Variants in BAG2 observed in about 807,000 individuals in gnomAD.
BAG2 encodes the protein BAG cochaperone 2.
Under a neutral mutation model 16.4 loss-of-function variants are expected in BAG2, and 8 were observed. The observed-to-expected ratio is 0.49, with a 90% CI of 0.29 to 0.88. The LOEUF (loss-of-function observed/expected upper bound fraction) is 0.88. Ranked by LOEUF, BAG2 falls within the 40% of genes least tolerant of loss-of-function variation. The pLI is 0.09. For synonymous variants in BAG2, 82 were observed against 89.2 expected (o/e 0.92, Z 0.46); for missense variants, 218 against 248.9 (o/e 0.88, Z 0.84).
In BAG2 at chr6:57,172,540, C is replaced by A. The variant is rs1443641424; in HGVS notation, c.-158C>A. On this transcript the variant is annotated 5_prime_UTR_variant, in exon 1 of 3. Coordinates refer to ENST00000370693, the MANE Select transcript of BAG2 (RefSeq NM_004282.4). ...CTGCCCTTCTTTGGCTACGCTGCAGCCGCGGTGTCGGCGAGTCCTCCCGGG... is the reference window on the plus strand; with the variant it reads ...CTGCCCTTCTTTGGCTACGCTGCAGACGCGGTGTCGGCGAGTCCTCCCGGG... 1 of 535,302 alleles carries A rather than the reference C, an allele frequency of 1.9e-6. No homozygotes were observed. The highest frequency in any genetic ancestry group is 3.8e-5 in the South Asian group (1 of 26,506). 33.2% of individuals were successfully genotyped at this position (535,302 alleles called of 1,614,324 possible).
chr6:57,182,700 G>C (rs891256227), intron 2 of BAG2, among the ~76,000 whole-genome samples: 1 of 152,066 alleles, frequency 6.6e-6, no homozygotes, highest in African/African-American at 2.4e-5. Flanking sequence ...ACCCAGGCTG[G>C]AGTGCAATGG....
At position 57,183,965 on chromosome 6, in the gene BAG2, G is replaced by A. The variant is rs765923792; in HGVS notation, c.411G>A (p.Ser137=). Reference sequence around the variant, plus strand: ...GAAATGCCAAGAGTCATTTAATGTCGCTCTACAGTGCATGTTCATCTGAGG... The same window carrying A: ...GAAATGCCAAGAGTCATTTAATGTCACTCTACAGTGCATGTTCATCTGAGG... ...DLGNAKSHLM[S]LYSACSSEVP... The change falls in exon 3 of 3, where the codon TCG becomes TCA. Residue 137 remains serine (S), a synonymous_variant. Transcript: ENST00000370693. The A allele has an allele frequency of 5.1e-5, 82 of 1,613,438 alleles. No homozygotes were observed. Among genetic ancestry groups the A allele is most frequent in the Admixed American group, 1.0e-4 (6 of 59,922 alleles).
intron 1 of BAG2, chr6:57,174,384 G>A (rs1360722578): frequency 1.5e-6 from 2 of 1,304,154 alleles, no homozygotes; most frequent in Admixed American, 2.3e-5. Context: ...TTGAATTAAT[G>A]CCTCACATGT....
At chr6:57,173,156 A>T (rs964622284) in intron 1 of BAG2, 4 of 1,012,336 alleles carry the variant, frequency 4.0e-6, no homozygotes, top group African/African-American at 3.4e-5. Flanking sequence ...GGACTGTGGC[A>T]GCTTGGGTCT....
intron 1 of BAG2, chr6:57,173,569 A>G: frequency 2.3e-6 from 2 of 857,012 alleles, no homozygotes; most frequent in Non-Finnish European, 2.8e-6. Context: ...ATTTGGTAAT[A>G]CAGTAGTAGA....
chr6:57,184,150 C>T lies in BAG2; in HGVS notation c.596C>T (p.Ser199Phe), dbSNP rs753635223. The T allele has an allele frequency of 6.4e-7, 1 of 1,562,692 alleles. No homozygotes were observed. The highest frequency in any genetic ancestry group is 8.6e-7 in the Non-Finnish European group (1 of 1,163,190). ...TTAGAGCATTCTAAAGGAGCTGGTT[C>T]CAAAACTCTGCAACAAAATGCTGAA... is the stretch of plus-strand genomic sequence containing the variant. Reference protein sequence around the residue: ...KLLEHSKGAGSKTLQQNAESR... With the variant: ...KLLEHSKGAGFKTLQQNAESR... Residue 199 changes from serine to phenylalanine, a missense_variant, in exon 3 of 3, where the codon TCC (serine) becomes TTC (phenylalanine). Coordinates refer to ENST00000370693, the MANE Select transcript of BAG2 (RefSeq NM_004282.4).
intron 1 of BAG2, 119 bp from the exon 2 acceptor site, chr6:57,181,910 TGAA>T (rs1011112236): frequency 5.1e-5 from 39 of 766,240 alleles, no homozygotes; most frequent in Admixed American, 1.0e-4. Flanking sequence ...AAAGCAGAAA[TGAA>T]GAATTTTTGA....
intron 1 of BAG2, among the ~76,000 whole-genome samples, chr6:57,180,792 C>T (rs1764417620): frequency 6.6e-6 from 1 of 151,272 alleles, no homozygotes; most frequent in African/African-American, 2.4e-5. Context: ...AAATTGATCG[C>T]ATCAAAATAA....
rs1259081670 is a variant in BAG2, at chr6:57,188,596, A to G, written c.*4406A>G. ...TAAAGAGGAGAGTAGAGAGTAGAAA[A>G]TTGAAGAGAGTAGAAAAGATGACTC... is the stretch of plus-strand genomic sequence containing the variant. On this transcript the variant is annotated 3_prime_UTR_variant, in exon 3 of 3. Transcript: ENST00000370693. 2 of 152,148 alleles carry G rather than the reference A, an allele frequency of 1.3e-5. No individual in the cohort carries two copies. The highest frequency in any genetic ancestry group is 1.3e-4 in the Admixed American group (2 of 15,276). 9.4% of individuals were successfully genotyped at this position (152,148 alleles called of 1,614,324 possible). A position where few individuals can be genotyped will look rare whatever the true frequency, so the allele number is the denominator to read the frequency against.
rs764194506 is a variant in BAG2, at chr6:57,172,686, T to C, written c.-12T>C. The C allele has an allele frequency of 6.6e-7, 1 of 1,524,708 alleles. No homozygotes were observed. Among genetic ancestry groups the C allele is most frequent in the South Asian group, 1.2e-5 (1 of 81,386 alleles). 94.4% of individuals were successfully genotyped at this position (1,524,708 alleles called of 1,614,324 possible). On this transcript the variant is annotated 5_prime_UTR_variant, in exon 1 of 3. Coordinates refer to ENST00000370693, the MANE Select transcript of BAG2 (RefSeq NM_004282.4). ...CCGGTGACCTCTTGGCTACCCCGCG[T>C]CGGAGGCTTAGATGGCTCAGGCGAA...
At chr6:57,183,681 T>C in intron 2 of BAG2, 97 bp from the exon 3 acceptor site, 1 of 1,132,082 alleles carries the variant, frequency 8.8e-7, no homozygotes, top group Admixed American at 2.9e-5. Flanking sequence ...TCTAAAAAAA[T>C]TTCATGGCAG....
intron 1 of BAG2, among the ~76,000 whole-genome samples, chr6:57,176,844 G>C (rs1764298344): frequency 6.6e-6 from 1 of 152,068 alleles, no homozygotes; most frequent in South Asian, 2.1e-4. Context: ...AGAACCCTTC[G>C]AGTTAGGTGG....
chr6:57,172,502 G>T lies in BAG2; in HGVS notation c.-196G>T. On this transcript the variant is annotated 5_prime_UTR_variant, in exon 1 of 3. Transcript: ENST00000370693. ...CCCAGGCCCGGCGTCCCCGAGCCCCGCGGGCGCCGCGCCTGCCCTTCTTTG... is the reference window on the plus strand; with the variant it reads ...CCCAGGCCCGGCGTCCCCGAGCCCCTCGGGCGCCGCGCCTGCCCTTCTTTG... 1 of 419,594 alleles carries T rather than the reference G, an allele frequency of 2.4e-6. No homozygotes were observed. Among genetic ancestry groups the T allele is most frequent in the Non-Finnish European group, 4.3e-6 (1 of 234,340 alleles). The allele number at this position is 419,594 out of a possible 1,614,324, so 26.0% of individuals were successfully genotyped here. A position where few individuals can be genotyped will look rare whatever the true frequency, so the allele number is the denominator to read the frequency against.
chr6:57,181,112 G>A (rs886234022), intron 1 of BAG2, among the ~76,000 whole-genome samples: 1 of 152,226 alleles, frequency 6.6e-6, no homozygotes, highest in Non-Finnish European at 1.5e-5. Flanking sequence ...GGACCCCTGT[G>A]CTTTGCTGTG....
chr6:57,172,879 C>G, intron 1 of BAG2, 69 bp downstream of exon 1: 11 of 1,291,236 alleles, frequency 8.5e-6, no homozygotes, highest in Non-Finnish European at 1.1e-5. Context: ...GGTTAGCGGA[C>G]GGAGGCCGCG....
At position 57,187,483 on chromosome 6, in the gene BAG2, G is replaced by A. The variant is rs968360275; in HGVS notation, c.*3293G>A. On this transcript the variant is annotated 3_prime_UTR_variant, in exon 3 of 3. Coordinates refer to ENST00000370693, the MANE Select transcript of BAG2 (RefSeq NM_004282.4). ...TGAGTAAGTCCTGTTCATTAGGTAG[G>A]TGCCATGTGGAACAAGCTTTCACCT... 3.3e-5 allele frequency: 5 copies of A among 152,278 alleles called. No individual in the cohort carries two copies. The highest frequency in any genetic ancestry group is 2.1e-4 in the South Asian group (1 of 4,826). 9.4% of individuals were successfully genotyped at this position (152,278 alleles called of 1,614,324 possible).
At position 57,172,625 on chromosome 6, in the gene BAG2, G is replaced by T; in HGVS notation, c.-73G>T. ...CCGCGTGGTGACGGCGACGCCTGCA[G>T]CCCAAGGAGCGCTCCACTCGCTGCC... On this transcript the variant is annotated 5_prime_UTR_variant, in exon 1 of 3. Transcript: ENST00000370693. 1 of 1,305,494 alleles carries T rather than the reference G, an allele frequency of 7.7e-7. No individual in the cohort carries two copies. 80.9% of individuals were successfully genotyped at this position (1,305,494 alleles called of 1,614,324 possible).
At chr6:57,177,696 G>C (rs1255873638) in intron 1 of BAG2, among the ~76,000 whole-genome samples, 1 of 152,128 alleles carries the variant, frequency 6.6e-6, no homozygotes, top group Non-Finnish European at 1.5e-5. Context: ...CACAAGCACT[G>C]TTCCCTTATC....
chr6:57,175,667 G>A (rs1305860143), intron 1 of BAG2, among the ~76,000 whole-genome samples: 2 of 152,174 alleles, frequency 1.3e-5, no homozygotes, highest in South Asian at 4.1e-4. Flanking sequence ...AAAGAAGCAA[G>A]CCTCCATAAG....
Sources: gnomAD v4.1 joint callset for allele counts (sites outside exome capture counted in the v4.1 genomes callset) on GRCh38, gnomAD v4.1.1 for gene constraint, MANE v1.5 for transcripts, NCBI Gene and HGNC (gene_info 2026-07-23, HGNC 2026-07-21) for gene names.